Variants in CFAP299 observed in about 807,000 individuals in gnomAD.
The protein encoded by CFAP299 is cilia- and flagella-associated protein 299.
A neutral mutation model predicts 27.0 loss-of-function variants in CFAP299; 21 were observed. The ratio of observed to expected loss-of-function variants is 0.78; its 90% CI spans 0.55 to 1.12. The LOEUF is 1.12. Among genes scored for constraint, CFAP299 ranks in the 50% most tolerant of loss-of-function variants. CFAP299 has a pLI of 0.00. For synonymous variants in CFAP299, 104 were observed against 98.1 expected (o/e 1.06, Z -0.36); for missense variants, 310 against 276.6 (o/e 1.12, Z -0.86).
intron 3 of CFAP299, among the ~76,000 whole-genome samples, chr4:80,672,768 T>C (rs891816003): frequency 1.3e-5 from 2 of 152,218 alleles, no homozygotes; most frequent in African/African-American, 4.8e-5. Context: ...CCATTTCTTC[T>C]AGATTTTCTA....
chr4:80,872,201 A>G (rs1171925272), intron 4 of CFAP299: 1 of 151,912 alleles, frequency 6.6e-6, no homozygotes, highest in African/African-American at 2.4e-5. Flanking sequence ...GATGCTCTGT[A>G]CTGACTATCG....
chr4:80,432,294 G>A (rs1188604783), intron 2 of CFAP299, among the ~76,000 whole-genome samples: 1 of 151,892 alleles, frequency 6.6e-6, no homozygotes, highest in African/African-American at 2.4e-5. Context: ...TGGGATTACA[G>A]GCACGCGCCA....
intron 5 of CFAP299, among the ~76,000 whole-genome samples, chr4:80,959,813 CA>C (rs921982856): frequency 2.0e-5 from 3 of 150,892 alleles, no homozygotes; most frequent in Non-Finnish European, 3.0e-5. Context: ...TTATGAATGG[CA>C]AAAATCAGAA....
chr4:80,473,192 A>G (rs374896098), intron 2 of CFAP299, among the ~76,000 whole-genome samples: 18 of 152,170 alleles, frequency 1.2e-4, no homozygotes, highest in African/African-American at 4.3e-4. Context: ...TTGTGGGGCC[A>G]GGAAAGCCTG....
At chr4:80,801,531 A>G (rs1445177393) in intron 3 of CFAP299, among the ~76,000 whole-genome samples, 1 of 152,104 alleles carries the variant, frequency 6.6e-6, no homozygotes, top group African/African-American at 2.4e-5. Flanking sequence ...TATATAAGAG[A>G]GAATAAAGGC....
At chr4:80,762,928 A>G (rs987543737) in intron 3 of CFAP299, among the ~76,000 whole-genome samples, 2 of 152,142 alleles carry the variant, frequency 1.3e-5, no homozygotes, top group African/African-American at 4.8e-5. Flanking sequence ...ATCACAGCTC[A>G]ACTTCTTTCT....
intron 3 of CFAP299, among the ~76,000 whole-genome samples, chr4:80,634,092 T>C (rs1277478993): frequency 6.6e-6 from 1 of 150,556 alleles, no homozygotes; most frequent in East Asian, 2.0e-4. Flanking sequence ...CAAGTGATTC[T>C]CCTGCCTCAG....
chr4:80,359,845 T>G (rs1256604699), intron 1 of CFAP299, among the ~76,000 whole-genome samples: 1 of 152,216 alleles, frequency 6.6e-6, no homozygotes, highest in Non-Finnish European at 1.5e-5. Context: ...CTCAGTCCTG[T>G]TCACAACCCT....
At chr4:80,487,232 G>A (rs906469189) in intron 2 of CFAP299, among the ~76,000 whole-genome samples, 1 of 152,146 alleles carries the variant, frequency 6.6e-6, no homozygotes, top group Admixed American at 6.5e-5. Flanking sequence ...TTAAGTCTTT[G>A]AAATTGCTTT....
chr4:80,386,083 C>G, intron 2 of CFAP299: 1 of 445,638 alleles, frequency 2.2e-6, no homozygotes, highest in Non-Finnish European at 4.0e-6. Flanking sequence ...CTCGATGGCT[C>G]GCTTCCACTG....
chr4:80,807,377 T>C (rs896832356), intron 3 of CFAP299, among the ~76,000 whole-genome samples: 3 of 152,114 alleles, frequency 2.0e-5, no homozygotes, highest in African/African-American at 4.8e-5. Flanking sequence ...ATTAATCTAC[T>C]CATCTGCTGG....
chr4:80,697,536 A>C (rs1394939112), intron 3 of CFAP299, among the ~76,000 whole-genome samples: 2 of 152,200 alleles, frequency 1.3e-5, no homozygotes, highest in African/African-American at 2.4e-5. Flanking sequence ...TTAAGTGAGA[A>C]TCAATTGTTC....
intron 5 of CFAP299, among the ~76,000 whole-genome samples, chr4:80,955,443 G>A (rs1020597585): frequency 1.3e-5 from 2 of 152,166 alleles, no homozygotes; most frequent in African/African-American, 4.8e-5. Flanking sequence ...CAGAGTAGGT[G>A]CTCAATGAAT....
At chr4:80,547,420 A>G (rs1029799860) in intron 2 of CFAP299, among the ~76,000 whole-genome samples, 15 of 152,202 alleles carry the variant, frequency 9.9e-5, no homozygotes, top group Admixed American at 9.2e-4. Context: ...AAAAGAATTT[A>G]AAAAATCCCT....
intron 3 of CFAP299, among the ~76,000 whole-genome samples, chr4:80,584,714 G>A (rs1044049416): frequency 2.6e-5 from 4 of 151,868 alleles, no homozygotes; most frequent in African/African-American, 9.7e-5. Context: ...AAACCCATGA[G>A]CCTACTGATT....
At chr4:80,881,232 G>T (rs894571897) in intron 4 of CFAP299, among the ~76,000 whole-genome samples, 2 of 152,198 alleles carry the variant, frequency 1.3e-5, no homozygotes, top group Admixed American at 1.3e-4. Context: ...GGGGAGGGCA[G>T]CCCCTAACAG....
intron 3 of CFAP299, among the ~76,000 whole-genome samples, chr4:80,671,493 G>C (rs188199150): frequency 1.3e-5 from 2 of 152,018 alleles, no homozygotes; most frequent in East Asian, 3.9e-4. Flanking sequence ...TTGTGGTTCC[G>C]TATGAACTTT....
chr4:80,577,383 G>A (rs868351760), intron 2 of CFAP299, among the ~76,000 whole-genome samples: 10 of 145,508 alleles, frequency 6.9e-5, no homozygotes, highest in African/African-American at 2.3e-4. Flanking sequence ...TTAAGAAACT[G>A]CTTATTAGAA....
chr4:80,902,291 T>G (rs1196978889), intron 4 of CFAP299, among the ~76,000 whole-genome samples: 2 of 149,758 alleles, frequency 1.3e-5, no homozygotes, highest in Non-Finnish European at 3.0e-5. Flanking sequence ...GGCTCCTGTT[T>G]CTTTATATCA....
Sources: gnomAD v4.1 joint callset for allele counts (sites outside exome capture counted in the v4.1 genomes callset) on GRCh38, gnomAD v4.1.1 for gene constraint, MANE v1.5 for transcripts, NCBI Gene and HGNC (gene_info 2026-07-23, HGNC 2026-07-21) for gene names.